ANK3: variants seen among roughly 807,000 people sequenced by gnomAD.
ANK3 encodes the protein ankyrin-3.
A neutral mutation model predicts 370.9 loss-of-function variants in ANK3; 57 were observed. The observed-to-expected ratio is 0.15, with a 90% CI of 0.12 to 0.19. The LOEUF (loss-of-function observed/expected upper bound fraction) is 0.19. ANK3 is among the 10% of genes least tolerant of loss of function. The pLI is 1.00. For synonymous variants in ANK3, 1,929 were observed against 1,946.3 expected, an observed-to-expected ratio of 0.99 and a Z score of 0.23; for missense variants, 4,439 against 5,302.1, an observed-to-expected ratio of 0.84 and a Z score of 5.06.
In ANK3 at chr10:60,042,771, G is replaced by A. The variant is rs372720708; in HGVS notation, c.13066-12C>T. 159 of 1,612,294 alleles carry A rather than the reference G, an allele frequency of 9.9e-5. No individual in the cohort carries two copies. In the African/African-American group the frequency reaches 2.0e-3, roughly 21 times the overall value. ...AAACCTTCTCCCTGCTTTGAAAGGA[G>A]TGTACATATTAAGATTTCACAGTGA... On this transcript the variant is annotated splice_polypyrimidine_tract_variant and intron_variant, in intron 42 of 43. Transcript: ENST00000280772.
chr10:60,388,636 C>T (rs1273874230), intron 1 of ANK3, among the ~76,000 whole-genome samples: 1 of 152,202 alleles, frequency 6.6e-6, no homozygotes, highest in East Asian at 1.9e-4. Context: ...AATAAATCAC[C>T]ACTGACCCAG....
intron 2 of ANK3, among the ~76,000 whole-genome samples, chr10:60,459,210 G>A (rs1400872069): frequency 6.6e-6 from 1 of 152,120 alleles, no homozygotes; most frequent in African/African-American, 2.4e-5. Flanking sequence ...ACAGGTAAAA[G>A]GTTAAGTCTC....
intron 1 of ANK3, among the ~76,000 whole-genome samples, chr10:60,303,947 C>A (rs1300425073): frequency 6.7e-6 from 1 of 150,084 alleles, no homozygotes; most frequent in African/African-American, 2.5e-5. Context: ...AGAGATAAAT[C>A]CTGCCATTTG....
intron 1 of ANK3, among the ~76,000 whole-genome samples, chr10:60,645,419 G>A (rs576709089): frequency 7.2e-4 from 109 of 152,172 alleles, no homozygotes; most frequent in African/African-American, 2.5e-3. Flanking sequence ...ACAATGAAAA[G>A]CTAAGCTTTA....
chr10:60,278,999 C>G (rs373957911), intron 3 of ANK3, 51 bp downstream of exon 3: 102 of 1,590,014 alleles, frequency 6.4e-5, no homozygotes, highest in African/African-American at 2.7e-5. Context: ...GGGCTGAATC[C>G]TCACAGAACA....
chr10:60,046,808 A>ATT (rs10632318), intron 42 of ANK3, among the ~76,000 whole-genome samples: 40,872 of 138,516 alleles, frequency 0.3, 7,200 homozygotes, highest in African/African-American at 0.48. Context: ...AGTAATCTCA[A>ATT]TTTTTTTTTT....
chr10:60,384,125 C>T (rs1277303729), intron 1 of ANK3, among the ~76,000 whole-genome samples: 1 of 152,106 alleles, frequency 6.6e-6, no homozygotes, highest in East Asian at 1.9e-4. Flanking sequence ...GAAAATAATG[C>T]CTGCCTCATA....
At chr10:60,206,034 T>C (rs2096757185) in intron 10 of ANK3, 144 bp from the exon 11 acceptor site, 6 of 639,018 alleles carry the variant, frequency 9.4e-6, no homozygotes, top group South Asian at 5.8e-5. Context: ...ATGTAGATTC[T>C]ATTCTAGAAG....
chr10:60,167,455 G>C (rs1460012442), intron 21 of ANK3, among the ~76,000 whole-genome samples: 1 of 152,034 alleles, frequency 6.6e-6, no homozygotes, highest in Non-Finnish European at 1.5e-5. Context: ...GATCATTTTA[G>C]CCTCCCCCAA....
chr10:60,156,678 G>A (rs963080375), intron 23 of ANK3, among the ~76,000 whole-genome samples: 1 of 152,190 alleles, frequency 6.6e-6, no homozygotes, highest in African/African-American at 2.4e-5. Context: ...ATCTACCAAA[G>A]CTGTGTATCA....
At position 60,513,061 on chromosome 10, in the gene ANK3, G is replaced by A. The variant is rs548629249; in HGVS notation, c.96+102125C>T. Among the ~76,000 whole-genome samples the A allele has an allele frequency of 8.5e-5, 13 of 152,134 alleles. No homozygotes were observed. In the South Asian group the frequency reaches 2.7e-3, roughly 32 times the overall value. Reference sequence around the variant, plus strand: ...AAAAATAAAAAATTGACAGAAATCTGAATTTGTTTCAAGAGGTTCATACCT... The same window carrying A: ...AAAAATAAAAAATTGACAGAAATCTAAATTTGTTTCAAGAGGTTCATACCT... On this transcript the variant is annotated intron_variant, in intron 2 of 43. Transcript: ENST00000373827.
intron 43 of ANK3, among the ~76,000 whole-genome samples, chr10:60,034,143 G>A (rs971977399): frequency 1.8e-5 from 2 of 111,932 alleles, no homozygotes; most frequent in Non-Finnish European, 3.3e-5. Flanking sequence ...GTCTTGCTCT[G>A]TCGCCCATGC....
chr10:60,192,628 G>A (rs1211152804), intron 16 of ANK3, among the ~76,000 whole-genome samples: 3 of 152,084 alleles, frequency 2.0e-5, no homozygotes, highest in African/African-American at 7.2e-5. Context: ...TTGCCTGAAA[G>A]CGAGAGCTAA....
intron 7 of ANK3, among the ~76,000 whole-genome samples, chr10:60,237,761 A>G (rs902475229): frequency 3.9e-5 from 6 of 152,096 alleles, no homozygotes; most frequent in Admixed American, 6.5e-5. Flanking sequence ...CTTCCTAGAG[A>G]AATACTTTAT....
intron 28 of ANK3, among the ~76,000 whole-genome samples, chr10:60,104,642 A>C (rs2091916938): frequency 1.3e-5 from 2 of 152,154 alleles, no homozygotes; most frequent in Admixed American, 6.5e-5. Flanking sequence ...TCAGTGCTTC[A>C]TGAATGCTAG....
intron 2 of ANK3, among the ~76,000 whole-genome samples, chr10:60,437,838 C>T (rs141933316): frequency 2.0e-5 from 3 of 152,286 alleles, no homozygotes; most frequent in East Asian, 1.9e-4. Flanking sequence ...GCAACTTATG[C>T]AGTACCTCAC....
At chr10:60,334,460 G>T (rs1245484644) in intron 1 of ANK3, among the ~76,000 whole-genome samples, 1 of 152,088 alleles carries the variant, frequency 6.6e-6, no homozygotes, top group Non-Finnish European at 1.5e-5. Context: ...TTACATATCT[G>T]CCAGTTAGAG....
chr10:60,732,406 G>A (rs549631236), intron 1 of ANK3, among the ~76,000 whole-genome samples: 6 of 152,192 alleles, frequency 3.9e-5, no homozygotes, highest in Non-Finnish European at 7.3e-5. Flanking sequence ...AAACGCCTCC[G>A]GGCGTAAAGG....
intron 18 of ANK3, among the ~76,000 whole-genome samples, chr10:60,176,575 A>G (rs556977594): frequency 1.3e-5 from 2 of 152,066 alleles, no homozygotes; most frequent in South Asian, 4.1e-4. Flanking sequence ...CAGCCTGCCC[A>G]GTATGGCAAA....
Sources: allele counts gnomAD v4.1 joint callset (sites outside exome capture counted in the v4.1 genomes callset), GRCh38; gene constraint gnomAD v4.1.1; transcripts MANE v1.5; gene names NCBI Gene and HGNC (gene_info 2026-07-23, HGNC 2026-07-21).